The following ESRRB variants were observed in gnomAD, a reference collection of about 807,000 sequenced individuals.
ESRRB encodes the protein estrogen related receptor beta.
A neutral mutation model predicts 46.0 loss-of-function variants in ESRRB; 16 were observed. The observed-to-expected ratio is 0.35, with a 90% CI of 0.24 to 0.53. The LOEUF (loss-of-function observed/expected upper bound fraction) is 0.53, where lower values mean the gene tolerates loss of function less well. ESRRB is among the 20% of genes least tolerant of loss of function. ESRRB has a pLI of 0.93. For synonymous variants in ESRRB, 246 were observed against 259.6 expected (o/e 0.95, Z 0.50); for missense variants, 488 against 607.4 (o/e 0.80, Z 2.07).
At chr14:76,436,596 T>C (rs1325335446) in intron 1 of ESRRB, among the ~76,000 whole-genome samples, 2 of 152,150 alleles carry the variant, frequency 1.3e-5, no homozygotes, top group Admixed American at 6.5e-5. Context: ...AGCTCTATTC[T>C]GCCTGCCTCG....
chr14:76,393,451 G>A (rs1885548287), intron 1 of ESRRB, among the ~76,000 whole-genome samples: 1 of 152,132 alleles, frequency 6.6e-6, no homozygotes, highest in East Asian at 1.9e-4. Context: ...TCAGGCAATG[G>A]ATCTGTTTTT....
At position 76,472,351 on chromosome 14, in the gene ESRRB, C is replaced by G. The variant is rs565524608; in HGVS notation, c.578-9665C>G. 4.6e-5 allele frequency among the ~76,000 whole-genome samples: 7 copies of G among 152,306 alleles called. No homozygotes were observed. The East Asian group carries it at 9.7e-4, about 21-fold the overall frequency. On this transcript the variant is annotated intron_variant, in intron 3 of 6. Transcript: ENST00000644823. ...GGAGCCCAGCATGATAGCAGACACT[C>G]CTTTAATAGGCAGAATTCTGAGAGC... is the stretch of plus-strand genomic sequence containing the variant.
At chr14:76,479,845 G>A (rs983136592) in intron 3 of ESRRB, among the ~76,000 whole-genome samples, 14 of 152,240 alleles carry the variant, frequency 9.2e-5, no homozygotes, top group East Asian at 3.9e-4. Context: ...AACAGTTTCC[G>A]TATTCCCAAT....
At chr14:76,332,923 T>C (rs1482713706) in intron 1 of ESRRB, among the ~76,000 whole-genome samples, 2 of 17,780 alleles carry the variant, frequency 1.1e-4, no homozygotes, top group Non-Finnish European at 1.9e-4. Flanking sequence ...ATTATATATA[T>C]TTATATATTA....
chr14:76,320,058 G>A (rs983737172), intron 1 of ESRRB, among the ~76,000 whole-genome samples: 6 of 152,182 alleles, frequency 3.9e-5, no homozygotes, highest in African/African-American at 9.7e-5. Context: ...TGCCAAGCAT[G>A]CTTTGGCTTC....
chr14:76,337,753 C>T (rs1029848824), intron 1 of ESRRB, among the ~76,000 whole-genome samples: 3 of 152,208 alleles, frequency 2.0e-5, no homozygotes, highest in Non-Finnish European at 4.4e-5. Context: ...GGTCCTTGTT[C>T]TGAGGGGGAC....
At chr14:76,331,377 G>A (rs926093715) in intron 1 of ESRRB, among the ~76,000 whole-genome samples, 1 of 152,116 alleles carries the variant, frequency 6.6e-6, no homozygotes, top group Non-Finnish European at 1.5e-5. Flanking sequence ...TGTAAAATGG[G>A]GATGATAAAA....
chr14:76,334,778 G>A (rs1298474784), intron 1 of ESRRB, among the ~76,000 whole-genome samples: 2 of 152,160 alleles, frequency 1.3e-5, no homozygotes, highest in Non-Finnish European at 2.9e-5. Context: ...TTCCCAAAGT[G>A]GGGCTGCTGG....
intron 1 of ESRRB, among the ~76,000 whole-genome samples, chr14:76,332,212 CAGGGAACCA>C: frequency 6.6e-6 from 1 of 151,532 alleles, no homozygotes; most frequent in East Asian, 2.0e-4. Flanking sequence ...GAGGGACCTG[CAGGGAACCA>C]AGTTAGAATC....
chr14:76,442,515 G>A (rs1403336907), intron 2 of ESRRB, among the ~76,000 whole-genome samples: 1 of 152,042 alleles, frequency 6.6e-6, no homozygotes, highest in African/African-American at 2.4e-5. Flanking sequence ...AAAATAAAAA[G>A]TGAGATATTG....
intron 2 of ESRRB, among the ~76,000 whole-genome samples, chr14:76,441,057 G>T (rs531016680): frequency 6.6e-6 from 1 of 152,080 alleles, no homozygotes; most frequent in African/African-American, 2.4e-5. Flanking sequence ...CAAAAAGAGA[G>T]AGAGATAAGG....
chr14:76,465,876 T>G (rs1302269975), intron 3 of ESRRB, among the ~76,000 whole-genome samples: 1 of 152,314 alleles, frequency 6.6e-6, no homozygotes, highest in East Asian at 1.9e-4. Flanking sequence ...CACGTTTAGT[T>G]TCTGTCCCCT....
chr14:76,320,442 C>T (rs935277188), intron 1 of ESRRB, among the ~76,000 whole-genome samples: 68 of 152,338 alleles, frequency 4.5e-4, no homozygotes, highest in Admixed American at 4.1e-3. Flanking sequence ...TCAGTCCTGA[C>T]CTTCTCCTGT....
chr14:76,345,649 C>A (rs1454198135), intron 1 of ESRRB, among the ~76,000 whole-genome samples: 1 of 55,140 alleles, frequency 1.8e-5, no homozygotes, highest in African/African-American at 7.7e-5. Context: ...CGTGAAAGAA[C>A]TAAAAGTAGA....
At chr14:76,368,210 T>G (rs1380229013), upstream of ESRRB, among the ~76,000 whole-genome samples, 1 of 150,910 alleles carries the variant, frequency 6.6e-6, no homozygotes. Context: ...CCTGACCTTG[T>G]GATCTGCCCT....
At chr14:76,424,585 A>G (rs1448413670) in intron 1 of ESRRB, among the ~76,000 whole-genome samples, 1 of 152,238 alleles carries the variant, frequency 6.6e-6, no homozygotes, top group East Asian at 1.9e-4. Context: ...AGTGGAGGTC[A>G]GCAACATAAG....
chr14:76,478,415 G>T (rs1889666953), intron 3 of ESRRB, among the ~76,000 whole-genome samples: 1 of 148,982 alleles, frequency 6.7e-6, no homozygotes, highest in South Asian at 2.2e-4. Flanking sequence ...CCATCTCCTT[G>T]CCTTGCCGAG....
intron 1 of ESRRB, among the ~76,000 whole-genome samples, chr14:76,311,183 G>T (rs1041233247): frequency 2.0e-5 from 3 of 152,134 alleles, no homozygotes; most frequent in African/African-American, 7.2e-5. Flanking sequence ...AAACTCATTT[G>T]GAAGCAGTGA....
Position 76,314,660 on chromosome 14 carries a change from G to A in ESRRB, c.2+3744G>A, listed in dbSNP as rs557487991. On this transcript the variant is annotated intron_variant, in intron 1 of 6. Coordinates refer to the ESRRB transcript ENST00000512784. ...TCTTCACGTGAGGCCCTCAAAGTCC[G>A]CCTGGCTCACTGTTCCCAGGTAAAG... Among the ~76,000 whole-genome samples the A allele has an allele frequency of 1.1e-4, 17 of 152,222 alleles. No homozygotes were observed. In the South Asian group the frequency reaches 2.1e-3, roughly 19 times the overall value.
Sources: allele counts gnomAD v4.1 joint callset (sites outside exome capture counted in the v4.1 genomes callset), GRCh38; gene constraint gnomAD v4.1.1; transcripts MANE v1.5; gene names NCBI Gene and HGNC (gene_info 2026-07-23, HGNC 2026-07-21).